Variants in ZBTB17 observed in about 807,000 individuals in gnomAD.
ZBTB17 encodes zinc finger and BTB domain-containing protein 17.
Under a neutral mutation model 85.1 loss-of-function variants are expected in ZBTB17, and 24 were observed. The ratio of observed to expected loss-of-function variants is 0.28; its 90% CI spans 0.20 to 0.40. The LOEUF is 0.40. Among genes scored for constraint, ZBTB17 ranks in the 10% least tolerant of loss-of-function variants. ZBTB17 has a pLI of 1.00. For synonymous variants in ZBTB17, 464 were observed against 460.2 expected (o/e 1.01, Z -0.11); for missense variants, 743 against 1,105.1 (o/e 0.67, Z 4.65).
intron 2 of ZBTB17, among the ~76,000 whole-genome samples, chr1:15,971,495 A>ATATACACACACAC (rs1432897088): frequency 6.8e-5 from 3 of 43,864 alleles, no homozygotes; most frequent in Non-Finnish European, 1.3e-4. Context: ...CACACACTAT[A>ATATACACACACAC]TATATATACA....
chr1:15,946,874 A>G (rs1271656555), intron 4 of ZBTB17, 61 bp downstream of exon 4: 12 of 1,543,104 alleles, frequency 7.8e-6, no homozygotes, highest in Non-Finnish European at 9.7e-6. Context: ...TCAGAGGCAG[A>G]GCCCACATCA....
chr1:15,959,746 A>G (rs920717714), intron 2 of ZBTB17, among the ~76,000 whole-genome samples: 7 of 152,142 alleles, frequency 4.6e-5, no homozygotes, highest in Non-Finnish European at 8.8e-5. Context: ...GCACTCCAGC[A>G]TAGGCAACAG....
In ZBTB17 at chr1:15,964,508, A is replaced by G. The variant is rs1279711365; in HGVS notation, c.-3+8531T>C. On this transcript the variant is annotated intron_variant, in intron 2 of 15. Coordinates refer to ENST00000375743, the MANE Select transcript of ZBTB17 (RefSeq NM_003443.3). The surrounding 1 kb of genome is among the most constrained non-coding windows in gnomAD (Gnocchi z 4.3). ...TGAGGTGGGAGGATTGCTTGAGCCC[A>G]GGAATTCAAGACTAGCTTGGGCTAC... Among the ~76,000 whole-genome samples, 1 of 152,114 alleles carries G rather than the reference A, an allele frequency of 6.6e-6. No individual in the cohort carries two copies. Among genetic ancestry groups the G allele is most frequent in the East Asian group, 1.9e-4 (1 of 5,166 alleles).
chr1:15,969,492 G>T (rs909736292), intron 2 of ZBTB17: 2 of 260,354 alleles, frequency 7.7e-6, no homozygotes, highest in Non-Finnish European at 1.5e-5. Flanking sequence ...ACGGCTGGTG[G>T]TCCTAGGTGC....
In ZBTB17 at chr1:15,943,446, G is replaced by C. The variant is rs781124263; in HGVS notation, c.1650C>G (p.Arg550=). ...TQASSLIAHV[R]QHTGEKPYVC... Reference sequence around the variant, plus strand: ...CGTAGGGCTTCTCCCCGGTGTGCTGGCGCACGTGGGCGATGAGGGAGCTGG... The same window carrying C: ...CGTAGGGCTTCTCCCCGGTGTGCTGCCGCACGTGGGCGATGAGGGAGCTGG... The change falls in exon 12 of 16, where the codon CGC becomes CGG. Residue 550 remains arginine (R), a synonymous_variant. Transcript: ENST00000375743. The C allele has an allele frequency of 6.2e-7, 1 of 1,610,060 alleles. No individual in the cohort carries two copies. Among genetic ancestry groups the C allele is most frequent in the East Asian group, 2.2e-5 (1 of 44,796 alleles).
rs779671717 is a variant in ZBTB17 at position 15,946,996 on chromosome 1, G to C, written c.333C>G (p.Leu111=). 6.2e-7 allele frequency: 1 copy of C among 1,614,082 alleles called. No homozygotes were observed. The highest frequency in any genetic ancestry group is 1.1e-5 in the South Asian group (1 of 91,082). ...TGGTAGCCGGCTCAGCAAGTGACTT[G>C]AGGGCATGGCAGGCCGTGATGATGT... The part of the protein sequence containing the change: ...MQDIITACHA[L]KSLAEPATSP... The change falls in exon 4 of 16, where the codon CTC becomes CTG. Residue 111 remains leucine (L), a synonymous_variant. Transcript: ENST00000375743.
rs1020673432 is a variant in ZBTB17, at chr1:15,945,777, T to A, written c.599A>T (p.Asp200Val). The change falls in exon 6 of 16, where the codon GAC becomes GTC. Residue 200 changes from aspartate to valine, a missense_variant. Around this residue, in one of 4 missense-constraint regions of ZBTB17, gnomAD observed 279 missense variants for 269.9 expected, o/e 1.03. Coordinates refer to ENST00000375743, the MANE Select transcript of ZBTB17 (RefSeq NM_003443.3). ...REPPPVELKP[D>V]PTSGMAAAEA... is the part of the protein sequence containing the mutation. ...TGCAGCAGCCATGCCACTCGTGGGGTCTGGCTTGAGCTCCACAGGCGGCGG... is the reference window on the plus strand; with the variant it reads ...TGCAGCAGCCATGCCACTCGTGGGGACTGGCTTGAGCTCCACAGGCGGCGG... 6.2e-7 allele frequency: 1 copy of A among 1,606,068 alleles called. No homozygotes were observed. Among genetic ancestry groups the A allele is most frequent in the Admixed American group, 1.7e-5 (1 of 59,960 alleles).
At chr1:15,954,241 C>A (rs2148783559) in intron 2 of ZBTB17, among the ~76,000 whole-genome samples, 1 of 152,304 alleles carries the variant, frequency 6.6e-6, no homozygotes, top group Non-Finnish European at 1.5e-5. Flanking sequence ...GAGCACAGCT[C>A]CATGTCAGAG....
At position 15,944,948 on chromosome 1, in the gene ZBTB17, G is replaced by A; in HGVS notation, c.916C>T (p.His306Tyr). 1 of 1,577,534 alleles carries A rather than the reference G, an allele frequency of 6.3e-7. No homozygotes were observed. Among genetic ancestry groups the A allele is most frequent in the Non-Finnish European group, 8.6e-7 (1 of 1,164,444 alleles). Reference protein sequence around the residue: ...TESKAYGSVIHKCEDCGKEFT... With the variant: ...TESKAYGSVIYKCEDCGKEFT... ...ATAGTCTCCCTCACCTCGCACTTGT[G>A]GATGACGGAGCCGTAGGCCTTGGAC... Residue 306 changes from histidine to tyrosine, a missense_variant, in exon 7 of 16, where the codon CAC (histidine) becomes TAC (tyrosine). By Grantham distance (83) the His-to-Tyr change is moderately conservative. Transcript: ENST00000375743.
At chr1:15,949,201 C>G (rs2071735078) in intron 2 of ZBTB17, among the ~76,000 whole-genome samples, 2 of 152,178 alleles carry the variant, frequency 1.3e-5, no homozygotes, top group African/African-American at 4.8e-5. Context: ...CTGACCTGGC[C>G]ACAACTTCTC....
At chr1:15,968,662 T>C (rs1359317606) in intron 2 of ZBTB17, among the ~76,000 whole-genome samples, 3 of 152,176 alleles carry the variant, frequency 2.0e-5, no homozygotes, top group East Asian at 3.8e-4. Flanking sequence ...TCTCTCAGGA[T>C]ATGGTCTCTG....
chr1:15,948,465 A>G lies in ZBTB17; in HGVS notation c.31T>C (p.Leu11=). 6.2e-7 allele frequency: 1 copy of G among 1,614,042 alleles called. No homozygotes were observed. The highest frequency in any genetic ancestry group is 8.5e-7 in the Non-Finnish European group (1 of 1,180,024). The change falls in exon 3 of 16, where the codon TTG becomes CTG. Residue 11 remains leucine, a synonymous_variant. Transcript: ENST00000375743. The part of the protein sequence containing the change: MDFPQHSQHV[L]EQLNQQRQLG... ...TGCCGCTGCTGGTTCAGCTGTTCCAAGACATGCTGGCTGTGCTGGGGAAAG... is the reference window on the plus strand; with the variant it reads ...TGCCGCTGCTGGTTCAGCTGTTCCAGGACATGCTGGCTGTGCTGGGGAAAG...
chr1:15,945,130 G>A lies in ZBTB17; in HGVS notation c.734C>T (p.Ala245Val). The A allele has an allele frequency of 6.2e-7, 1 of 1,602,256 alleles. No homozygotes were observed. The highest frequency in any genetic ancestry group is 2.2e-5 in the East Asian group (1 of 44,546). Residue 245 changes from alanine (A) to valine (V), a missense_variant, in exon 7 of 16, where the codon GCA becomes GTA. Physicochemically the swap from Ala to Val is moderately conservative, Grantham distance 64. Around this residue, in one of 4 missense-constraint regions of ZBTB17, gnomAD observed 279 missense variants for 269.9 expected, o/e 1.03. Coordinates refer to ENST00000375743, the MANE Select transcript of ZBTB17 (RefSeq NM_003443.3). ...KEQEEQEEEG[A>V]GPAEVKEEGS... The stretch of plus-strand genomic sequence containing the variant: ...CTCCTCCTTGACCTCAGCTGGCCCT[G>A]CGCCCTCCTCCTCTTGCTCCTCTTG...
intron 2 of ZBTB17, among the ~76,000 whole-genome samples, chr1:15,965,322 G>A (rs762874199): frequency 1.3e-5 from 2 of 152,060 alleles, no homozygotes; most frequent in Admixed American, 6.5e-5. Context: ...TGTTGTTTCC[G>A]AGAAGATGAA....
intron 11 of ZBTB17, 30 bp downstream of exon 11, chr1:15,943,562 GCCCTCCC>G: frequency 1.2e-6 from 2 of 1,612,266 alleles, no homozygotes; most frequent in Non-Finnish European, 1.7e-6. Context: ...TCCTCTCCGT[GCCCTCCC>G]AGTCCTGGGC....
Position 15,953,379 on chromosome 1 carries a change from A to G in ZBTB17, c.-2-4882T>C, listed in dbSNP as rs752980315. Among the ~76,000 whole-genome samples, 6 of 152,016 alleles carry G rather than the reference A, an allele frequency of 3.9e-5. No homozygotes were observed. Among genetic ancestry groups the G allele is most frequent in the Non-Finnish European group, 7.3e-5 (5 of 68,042 alleles). ...GCCAGACTTGATCCAGTCATGGCACAGAGTGTGCTGGCCAAGGCTGGGTTG... is the reference window on the plus strand; with the variant it reads ...GCCAGACTTGATCCAGTCATGGCACGGAGTGTGCTGGCCAAGGCTGGGTTG... On this transcript the variant is annotated intron_variant, in intron 2 of 15. Transcript: ENST00000375743. The surrounding 1 kb of genome is among the most constrained non-coding windows in gnomAD (Gnocchi z 5.1).
At position 15,952,603 on chromosome 1, in the gene ZBTB17, G is replaced by A. The variant is rs1570145849; in HGVS notation, c.-2-4106C>T. On this transcript the variant is annotated intron_variant, in intron 2 of 15. Transcript: ENST00000375743. The surrounding 1 kb of genome is among the most constrained non-coding windows in gnomAD (Gnocchi z 4.3). The stretch of plus-strand genomic sequence containing the variant: ...ACTCTGACATCAGGATGCTGGGACT[G>A]TGCCAATTCCAGACCTAAACCTAAA... Among the ~76,000 whole-genome samples, 2 of 152,348 alleles carry A rather than the reference G, an allele frequency of 1.3e-5. No individual in the cohort carries two copies. The highest frequency in any genetic ancestry group is 2.1e-4 in the South Asian group (1 of 4,826).
intron 9 of ZBTB17, 167 bp downstream of exon 9, chr1:15,944,133 G>C (rs2071482316): frequency 1.7e-6 from 2 of 1,154,302 alleles, no homozygotes; most frequent in Non-Finnish European, 2.5e-6. Flanking sequence ...GAGCAACCGG[G>C]AGCTCCCCCG....
At chr1:15,945,400 G>A (rs922222325) in intron 6 of ZBTB17, among the ~76,000 whole-genome samples, 198 bp from the exon 7 acceptor site, 7 of 152,354 alleles carry the variant, frequency 4.6e-5, no homozygotes, top group African/African-American at 1.7e-4. Flanking sequence ...GGGCGCTGTC[G>A]GCCAGCAGGC....
Sources: gnomAD v4.1 joint callset for allele counts (sites outside exome capture counted in the v4.1 genomes callset) on GRCh38, gnomAD v4.1.1 for gene constraint, gnomAD v4.1.1 regional missense constraint, Gnocchi (gnomAD v3.1) non-coding constraint, MANE v1.5 for transcripts, NCBI Gene and HGNC (gene_info 2026-07-23, HGNC 2026-07-21) for gene names.